The following INTS9 variants were observed in gnomAD, a reference collection of about 807,000 sequenced individuals.
INTS9 encodes integrator complex subunit 9.
In INTS9, 55 loss-of-function variants were observed where a neutral mutation model predicts 79.7. That is an observed-to-expected ratio of 0.69 (90% CI 0.56 to 0.86). The LOEUF (loss-of-function observed/expected upper bound fraction) is 0.86, where lower values mean the gene tolerates loss of function less well. INTS9 is among the 40% of genes least tolerant of loss of function. The pLI, the probability that INTS9 is intolerant of heterozygous loss-of-function variation, is 0.00. For missense variants in INTS9, 721 were observed against 831.5 expected, an observed-to-expected ratio of 0.87 and a Z score of 1.64; for synonymous variants, 319 against 325.2, an observed-to-expected ratio of 0.98 and a Z score of 0.20.
intron 14 of INTS9, 27 bp downstream of exon 14, chr8:28,775,732 T>C (rs775094295): frequency 5.6e-6 from 9 of 1,612,628 alleles, no homozygotes; most frequent in Non-Finnish European, 7.6e-6. Flanking sequence ...AAGCTCTAGT[T>C]TAACCCTAGG....
intron 1 of INTS9, chr8:28,862,025 A>T: frequency 2.1e-6 from 2 of 966,234 alleles, no homozygotes; most frequent in Non-Finnish European, 2.5e-6. Context: ...ATGCTTCCCA[A>T]ACTGCACTGC....
At chr8:28,781,078 T>C in intron 11 of INTS9, 84 bp from the exon 12 acceptor site, 1 of 1,070,446 alleles carries the variant, frequency 9.3e-7, no homozygotes, top group Non-Finnish European at 1.4e-6. Flanking sequence ...TGAGCGGGAC[T>C]GGATCTAAAA....
rs1402939205 is a variant in INTS9 at position 28,889,858 on chromosome 8, A to G, written c.9+16T>C. The G allele has an allele frequency of 6.2e-7, 1 of 1,613,882 alleles. No homozygotes were observed. The highest frequency in any genetic ancestry group is 8.5e-7 in the Non-Finnish European group (1 of 1,179,838). On this transcript the variant is annotated intron_variant, in intron 1 of 16. Transcript: ENST00000521022. ...TAGCATCACCTTTGCCCTCTGACCT[A>G]GGAGCGAAGACTCACCAGTTTCATA...
intron 8 of INTS9, among the ~76,000 whole-genome samples, chr8:28,799,747 AC>A (rs1409466493): frequency 3.3e-5 from 5 of 152,216 alleles, no homozygotes; most frequent in African/African-American, 1.2e-4. Flanking sequence ...AAAATACCTT[AC>A]AAAGTTGAAA....
At position 28,768,341 on chromosome 8, in the gene INTS9, AAG is replaced by A. The variant is rs1585313289; in HGVS notation, c.1801-21_1801-20del. ...AGCCATGCTGCTCCAGAAGAAAAGA[AAG>A]AGGTGGGCTGGGCAGACTGCACATC... is the stretch of plus-strand genomic sequence containing the variant. On this transcript the variant is annotated intron_variant, in intron 16 of 16. Coordinates refer to ENST00000521022, the MANE Select transcript of INTS9 (RefSeq NM_018250.4). The A allele has an allele frequency of 1.9e-6, 3 of 1,610,828 alleles. No individual in the cohort carries two copies. The highest frequency in any genetic ancestry group is 2.2e-5 in the South Asian group (2 of 91,082).
Position 28,777,924 on chromosome 8 carries a change from C to T in INTS9, c.1300G>A (p.Ala434Thr). The change falls in exon 13 of 17, where the codon GCT becomes ACT. Residue 434 changes from alanine to threonine, a missense_variant. Physicochemically the swap from Ala to Thr is moderately conservative, Grantham distance 58 (BLOSUM62 0). This residue lies in a region of INTS9 where 149 missense variants were observed against 223.7 expected (regional missense o/e 0.67). Coordinates refer to ENST00000521022, the MANE Select transcript of INTS9 (RefSeq NM_018250.4). ...TTCATGGCCAGCGGCTGGTAAGGAG[C>T]CAGGGCTTCCAGGTAGGAGAAGTCT... ...EPDFSYLEALAPYQPLAMKCI... is the reference protein window; with the variant it reads ...EPDFSYLEALTPYQPLAMKCI... The T allele has an allele frequency of 6.2e-7, 1 of 1,611,520 alleles. No homozygotes were observed. Among genetic ancestry groups the T allele is most frequent in the Non-Finnish European group, 8.5e-7 (1 of 1,178,806 alleles).
At chr8:28,768,506 C>CA (rs1266969237) in intron 16 of INTS9, 184 bp from the exon 17 acceptor site, 4 of 617,946 alleles carry the variant, frequency 6.5e-6, no homozygotes, top group Non-Finnish European at 8.5e-6. Flanking sequence ...CCTAAACATG[C>CA]AAAAGCTCAT....
chr8:28,843,054 A>T (rs751507747), intron 4 of INTS9, among the ~76,000 whole-genome samples: 6 of 152,184 alleles, frequency 3.9e-5, no homozygotes, highest in African/African-American at 1.4e-4. Flanking sequence ...TCCAATACTG[A>T]AAGAACTTTA....
chr8:28,884,781 A>C (rs910719339), intron 1 of INTS9, among the ~76,000 whole-genome samples: 2 of 152,230 alleles, frequency 1.3e-5, no homozygotes, highest in African/African-American at 4.8e-5. Flanking sequence ...AAGACAGTGA[A>C]GTCAAGCTGA....
At chr8:28,861,975 G>T (rs1212811462) in intron 1 of INTS9, 2 of 519,884 alleles carry the variant, frequency 3.8e-6, no homozygotes, top group Non-Finnish European at 4.9e-6. Context: ...AAGAGCTGAA[G>T]ACACACAGCG....
chr8:28,882,548 GAAA>G (rs376509452), intron 1 of INTS9, among the ~76,000 whole-genome samples: 1 of 74,848 alleles, frequency 1.3e-5, no homozygotes, highest in Non-Finnish European at 2.9e-5. Context: ...AAAAAAAAAA[GAAA>G]AAAAAAAAGA....
chr8:28,878,508 G>A (rs1427749909), intron 1 of INTS9, among the ~76,000 whole-genome samples: 1 of 151,172 alleles, frequency 6.6e-6, no homozygotes, highest in African/African-American at 2.4e-5. Context: ...TTTTTGTAGA[G>A]ACAGGGTCTG....
chr8:28,813,491 C>T lies in INTS9; in HGVS notation c.609+1G>A. Reference sequence around the variant, plus strand: ...AACTGAAATGTAATATGAATACTCACAATTTTCTGAGAATATCCCACCAGC... The same window carrying T: ...AACTGAAATGTAATATGAATACTCATAATTTTCTGAGAATATCCCACCAGC... On this transcript the variant is annotated splice_donor_variant, in intron 7 of 16. Coordinates refer to ENST00000521022, the MANE Select transcript of INTS9 (RefSeq NM_018250.4). LOFTEE classifies it high-confidence loss of function. The T allele has an allele frequency of 6.2e-7, 1 of 1,612,904 alleles. No individual in the cohort carries two copies. Among genetic ancestry groups the T allele is most frequent in the Non-Finnish European group, 8.5e-7 (1 of 1,179,036 alleles).
chr8:28,799,018 C>T (rs1004728624), intron 8 of INTS9, among the ~76,000 whole-genome samples: 3 of 152,172 alleles, frequency 2.0e-5, no homozygotes, highest in African/African-American at 7.2e-5. Flanking sequence ...TAACACAGGT[C>T]AGGCTCAGTG....
rs1239468192 is a variant in INTS9, at chr8:28,835,515, C to A, written c.402-137G>T. ...CATCATCATCTTCCTCTCTGCTGCA[C>A]ATAAACTTGATCACCATTTGATATA... On this transcript the variant is annotated intron_variant, in intron 5 of 16. Transcript: ENST00000521022. The A allele has an allele frequency of 8.6e-6, 5 of 578,398 alleles. No homozygotes were observed. The South Asian group carries it at 1.1e-4, about 13-fold the overall frequency. The allele number at this position is 578,398 out of a possible 1,614,324, so 35.8% of individuals were successfully genotyped here. A position where few individuals can be genotyped will look rare whatever the true frequency, so the allele number is the denominator to read the frequency against.
intron 1 of INTS9, 70 bp downstream of exon 1, chr8:28,889,804 C>A (rs1439490403): frequency 6.3e-7 from 1 of 1,582,678 alleles, no homozygotes. Flanking sequence ...CCCTGCCCAA[C>A]GTAGGAAAAA....
At chr8:28,808,898 C>G (rs993760167) in intron 8 of INTS9, among the ~76,000 whole-genome samples, 9 of 152,172 alleles carry the variant, frequency 5.9e-5, no homozygotes, top group Non-Finnish European at 1.3e-4. Flanking sequence ...CTCAAGTAGA[C>G]CAGGGGTTAG....
At chr8:28,886,001 A>G (rs1399344851) in intron 1 of INTS9, among the ~76,000 whole-genome samples, 1 of 152,232 alleles carries the variant, frequency 6.6e-6, no homozygotes, top group Non-Finnish European at 1.5e-5. Flanking sequence ...GTATCTAAGA[A>G]GGAGATACCC....
chr8:28,876,239 A>T (rs1014239921), intron 1 of INTS9, among the ~76,000 whole-genome samples: 58 of 151,964 alleles, frequency 3.8e-4, no homozygotes, highest in African/African-American at 1.4e-3. Context: ...TCTATTACTC[A>T]TTTCTTCCCT....
Sources: allele counts gnomAD v4.1 joint callset (sites outside exome capture counted in the v4.1 genomes callset), GRCh38; gene constraint gnomAD v4.1.1; regional missense constraint gnomAD v4.1.1; transcripts MANE v1.5; gene names NCBI Gene and HGNC (gene_info 2026-07-23, HGNC 2026-07-21).